The following SOCS5 variants were observed in gnomAD, a reference collection of about 807,000 sequenced individuals.
SOCS5 encodes the protein suppressor of cytokine signaling 5, also known as CIS-6.
SOCS5 carries 32 observed loss-of-function variants against 42.8 expected under a neutral mutation model. That is an observed-to-expected ratio of 0.75 (90% CI 0.56 to 1.01). The LOEUF (loss-of-function observed/expected upper bound fraction) is 1.01, where lower values mean the gene tolerates loss of function less well. Ranked by LOEUF, SOCS5 falls within the 50% of genes least tolerant of loss-of-function variation. SOCS5 has a pLI of 0.00. For missense variants in SOCS5, 627 were observed against 653.0 expected, an observed-to-expected ratio of 0.96 and a Z score of 0.43; for synonymous variants, 283 against 229.6, an observed-to-expected ratio of 1.23 and a Z score of -2.10.
intron 1 of SOCS5, among the ~76,000 whole-genome samples, chr2:46,731,419 A>G (rs1301437814): frequency 6.6e-6 from 1 of 152,188 alleles, no homozygotes; most frequent in Non-Finnish European, 1.5e-5. Flanking sequence ...TGAGAAATAC[A>G]TTTCTTTTGT....
At chr2:46,743,647 C>G (rs904653646) in intron 1 of SOCS5, among the ~76,000 whole-genome samples, 6 of 152,122 alleles carry the variant, frequency 3.9e-5, no homozygotes, top group Admixed American at 3.3e-4. Flanking sequence ...GGAATACAGC[C>G]CAGTAGGTCT....
chr2:46,728,360 G>A (rs1224535758), intron 1 of SOCS5, among the ~76,000 whole-genome samples: 1 of 152,178 alleles, frequency 6.6e-6, no homozygotes, highest in Non-Finnish European at 1.5e-5. Flanking sequence ...TTGAAGCAAT[G>A]TGTACTGTTA....
Position 46,760,071 on chromosome 2 carries a change from T to A in SOCS5, c.1541T>A (p.Leu514Ter), listed in dbSNP as rs765353647. The A allele has an allele frequency of 1.9e-6, 3 of 1,613,932 alleles. No individual in the cohort carries two copies. Among genetic ancestry groups the A allele is most frequent in the East Asian group, 2.2e-5 (1 of 44,884 alleles). Reference protein sequence around the residue: ...LPLPSMLQDFLKEYHYKQKVR... With the variant: ...LPLPSMLQDF ...CTACCCTCAATGTTACAGGATTTTTTAAAAGAGTATCATTATAAACAAAAA... is the reference window on the plus strand; with the variant it reads ...CTACCCTCAATGTTACAGGATTTTTAAAAAGAGTATCATTATAAACAAAAA... Residue 514 changes from leucine to a stop codon, truncating the protein, a stop_gained, in exon 2 of 2, where the codon TTA becomes TAA. Coordinates refer to ENST00000394861, the MANE Select transcript of SOCS5 (RefSeq NM_144949.3). LOFTEE classifies it high-confidence loss of function.
At chr2:46,739,813 G>A (rs1347066525) in intron 1 of SOCS5, among the ~76,000 whole-genome samples, 3 of 152,114 alleles carry the variant, frequency 2.0e-5, no homozygotes, top group African/African-American at 7.2e-5. Context: ...GTATTCGTGT[G>A]TATATTTTTA....
At chr2:46,734,648 T>C (rs1673203210) in intron 1 of SOCS5, among the ~76,000 whole-genome samples, 1 of 152,222 alleles carries the variant, frequency 6.6e-6, no homozygotes, top group Admixed American at 6.5e-5. Flanking sequence ...AAAATAATAA[T>C]GTACCCTTCT....
In SOCS5 at chr2:46,760,252, CTTAGTGTTAGTAT is replaced by C; in HGVS notation, c.*112_*124del. 1 of 759,054 alleles carries C rather than the reference CTTAGTGTTAGTAT, an allele frequency of 1.3e-6. No homozygotes were observed. The highest frequency in any genetic ancestry group is 2.2e-6 in the Non-Finnish European group (1 of 458,788). The allele number at this position is 759,054 out of a possible 1,614,324, so 47.0% of individuals were successfully genotyped here. ...TAGGCTTTTTCATACAGTATGTAAGCTTAGTGTTAGTATCTGTCAGATGCTACCTGCTGTTACT... is the reference window on the plus strand; with the variant it reads ...TAGGCTTTTTCATACAGTATGTAAGCCTGTCAGATGCTACCTGCTGTTACT... On this transcript the variant is annotated 3_prime_UTR_variant, in exon 2 of 2. Transcript: ENST00000394861.
At chr2:46,712,294 C>T (rs997279526) in intron 1 of SOCS5, among the ~76,000 whole-genome samples, 13 of 107,148 alleles carry the variant, frequency 1.2e-4, no homozygotes, top group Non-Finnish European at 1.8e-4. Context: ...AAGAAGTTCT[C>T]TTTGCTTAGA....
intron 1 of SOCS5, among the ~76,000 whole-genome samples, chr2:46,754,107 C>G (rs1161852361): frequency 6.6e-6 from 1 of 152,068 alleles, no homozygotes; most frequent in African/African-American, 2.4e-5. Flanking sequence ...TTTTCCCAGC[C>G]CCTATTCAAG....
At position 46,762,899 on chromosome 2, in the gene SOCS5, C is replaced by G. The variant is rs1376920703; in HGVS notation, c.*2758C>G. 6.0e-6 allele frequency: 1 copy of G among 166,916 alleles called. No homozygotes were observed. Among genetic ancestry groups the G allele is most frequent in the Non-Finnish European group, 1.5e-5 (1 of 68,074 alleles). The allele number at this position is 166,916 out of a possible 1,614,324, so 10.3% of individuals were successfully genotyped here. On this transcript the variant is annotated 3_prime_UTR_variant, in exon 2 of 2. Coordinates refer to ENST00000394861, the MANE Select transcript of SOCS5 (RefSeq NM_144949.3). ...ACACACACACACACACCTCTCCCTTCCGCATACATATAAGTGTGTATTATA... is the reference window on the plus strand; with the variant it reads ...ACACACACACACACACCTCTCCCTTGCGCATACATATAAGTGTGTATTATA...
In SOCS5 at chr2:46,704,563, G is replaced by A. The variant is rs566188196; in HGVS notation, c.-13+5114G>A. Among the ~76,000 whole-genome samples, 5 of 152,250 alleles carry A rather than the reference G, an allele frequency of 3.3e-5. No individual in the cohort carries two copies. The South Asian group carries it at 1.0e-3, about 32-fold the overall frequency. On this transcript the variant is annotated intron_variant, in intron 1 of 1. Transcript: ENST00000394861. ...AATCCTGAATACCACAGGTTGGCAC[G>A]TCTTTGTATCAGGATGTAATACTAT...
intron 1 of SOCS5, among the ~76,000 whole-genome samples, chr2:46,744,223 C>G (rs1275706463): frequency 6.6e-6 from 1 of 152,172 alleles, no homozygotes; most frequent in African/African-American, 2.4e-5. Context: ...CTCTTGACCT[C>G]AAGTGATCCG....
chr2:46,738,607 G>A (rs894453733), intron 1 of SOCS5, among the ~76,000 whole-genome samples: 29 of 152,174 alleles, frequency 1.9e-4, no homozygotes, highest in Admixed American at 1.8e-3. Flanking sequence ...TGTTGAATGT[G>A]TGGACCCAAG....
At chr2:46,737,295 T>C (rs1449235571) in intron 1 of SOCS5, among the ~76,000 whole-genome samples, 2 of 152,236 alleles carry the variant, frequency 1.3e-5, no homozygotes, top group African/African-American at 2.4e-5. Flanking sequence ...ATTTCTATTC[T>C]TTTGAACTAT....
chr2:46,732,791 A>C (rs1275947880), intron 1 of SOCS5, among the ~76,000 whole-genome samples: 1 of 152,196 alleles, frequency 6.6e-6, no homozygotes, highest in African/African-American at 2.4e-5. Context: ...ATAGATGCTC[A>C]CTGGCAACTG....
chr2:46,700,229 C>T (rs114021157), intron 1 of SOCS5, among the ~76,000 whole-genome samples: 3,241 of 152,288 alleles, frequency 0.021, 32 homozygotes, highest in Non-Finnish European at 0.03. Flanking sequence ...ATTGGAGTCA[C>T]AAGGAAATTT....
intron 1 of SOCS5, among the ~76,000 whole-genome samples, chr2:46,754,027 CTCCTGTCTCA>C (rs1673682479): frequency 6.6e-6 from 1 of 152,136 alleles, no homozygotes; most frequent in Non-Finnish European, 1.5e-5. Context: ...TTGTGCCAAC[CTCCTGTCTCA>C]TCCTGTGACT....
chr2:46,742,147 G>A (rs941439857), intron 1 of SOCS5, among the ~76,000 whole-genome samples: 3 of 152,172 alleles, frequency 2.0e-5, no homozygotes, highest in African/African-American at 7.2e-5. Flanking sequence ...CAAATTCCAA[G>A]AATGACCTTT....
At chr2:46,719,697 A>G (rs1672837261) in intron 1 of SOCS5, among the ~76,000 whole-genome samples, 2 of 152,272 alleles carry the variant, frequency 1.3e-5, no homozygotes, top group Admixed American at 6.5e-5. Flanking sequence ...ATATTTTGCT[A>G]TATATAGAAC....
At chr2:46,717,183 A>T (rs554229479) in intron 1 of SOCS5, among the ~76,000 whole-genome samples, 1 of 152,210 alleles carries the variant, frequency 6.6e-6, no homozygotes, top group South Asian at 2.1e-4. Context: ...ATGCCCTGCA[A>T]ATTCTAGCTG....
Sources: gnomAD v4.1 joint callset for allele counts (sites outside exome capture counted in the v4.1 genomes callset) on GRCh38, gnomAD v4.1.1 for gene constraint, MANE v1.5 for transcripts, NCBI Gene and HGNC (gene_info 2026-07-23, HGNC 2026-07-21) for gene names.